ALK: variants seen among roughly 807,000 people sequenced by gnomAD.
The protein encoded by ALK is ALK tyrosine kinase receptor.
In ALK, 74 loss-of-function variants were observed where a neutral mutation model predicts 163.1. The observed-to-expected ratio is 0.45, with a 90% confidence interval of 0.38 to 0.55. ALK has a LOEUF of 0.55. ALK is among the 20% of genes least tolerant of loss of function. The pLI is 0.00. For missense variants in ALK, 2,063 were observed against 2,105.3 expected (o/e 0.98, Z 0.39); for synonymous variants, 960 against 843.2 (o/e 1.14, Z -2.40).
At chr2:29,889,846 T>C (rs1667101056) in intron 1 of ALK, among the ~76,000 whole-genome samples, 1 of 151,826 alleles carries the variant, frequency 6.6e-6, no homozygotes, top group African/African-American at 2.4e-5. Flanking sequence ...GACTGTGTAG[T>C]CATTTCATCT....
At chr2:29,651,429 T>A (rs751327770) in intron 3 of ALK, among the ~76,000 whole-genome samples, 2 of 152,212 alleles carry the variant, frequency 1.3e-5, no homozygotes, top group Admixed American at 6.5e-5. Flanking sequence ...AAGGTCAATG[T>A]CTTCTGCGTA....
At chr2:29,440,029 C>T (rs995719965) in intron 4 of ALK, among the ~76,000 whole-genome samples, 6 of 151,754 alleles carry the variant, frequency 4.0e-5, no homozygotes, top group South Asian at 2.1e-4. Context: ...ATCAGGAGTT[C>T]GAGACCAGCC....
chr2:29,697,276 G>T (rs1478991113), intron 2 of ALK, among the ~76,000 whole-genome samples: 2 of 152,136 alleles, frequency 1.3e-5, no homozygotes, highest in Admixed American at 6.6e-5. Flanking sequence ...GAGGGCCAAG[G>T]CTATGACAAT....
chr2:29,222,443 A>C (rs1293458069), intron 21 of ALK, 35 bp from the exon 22 acceptor site: 3 of 1,613,392 alleles, frequency 1.9e-6, no homozygotes, highest in Admixed American at 3.3e-5. Context: ...GAGGAGGAGG[A>C]GGCTGTGAGC....
intron 5 of ALK, among the ~76,000 whole-genome samples, chr2:29,344,409 T>C (rs551499093): frequency 6.6e-6 from 1 of 152,200 alleles, no homozygotes; most frequent in Admixed American, 6.5e-5. Context: ...TCCTCCTTGG[T>C]CATGGATACA....
At chr2:29,426,973 A>G (rs1305198798) in intron 4 of ALK, among the ~76,000 whole-genome samples, 1 of 122,476 alleles carries the variant, frequency 8.2e-6, no homozygotes, top group African/African-American at 3.0e-5. Flanking sequence ...AGGGAGGCAG[A>G]GGTTTCAGTG....
chr2:29,861,605 T>C (rs936163184), intron 1 of ALK, among the ~76,000 whole-genome samples: 4 of 152,024 alleles, frequency 2.6e-5, no homozygotes, highest in African/African-American at 9.7e-5. Context: ...TCTTAACAGA[T>C]TAATAATGAG....
At chr2:29,239,901 G>T in intron 12 of ALK, 71 bp from the exon 13 acceptor site, 2 of 1,551,116 alleles carry the variant, frequency 1.3e-6, no homozygotes, top group Non-Finnish European at 1.7e-6. Flanking sequence ...CAACCCAGCA[G>T]CTTCCAGTGG....
intron 3 of ALK, among the ~76,000 whole-genome samples, chr2:29,556,781 T>C (rs1673873251): frequency 6.6e-6 from 1 of 152,214 alleles, no homozygotes; most frequent in South Asian, 2.1e-4. Context: ...ATTTTCTAGG[T>C]TTCTCAAGGC....
At chr2:29,284,558 C>T (rs1665801027) in intron 9 of ALK, among the ~76,000 whole-genome samples, 1 of 152,192 alleles carries the variant, frequency 6.6e-6, no homozygotes, top group Non-Finnish European at 1.5e-5. Flanking sequence ...TAAAGAGGTT[C>T]ACTTAGTGCC....
intron 3 of ALK, among the ~76,000 whole-genome samples, chr2:29,564,013 T>G (rs1399718212): frequency 6.6e-6 from 1 of 152,034 alleles, no homozygotes; most frequent in Non-Finnish European, 1.5e-5. Context: ...AGCTTGAGAT[T>G]TATGCCCTTT....
rs114701796 is a variant in ALK, at chr2:29,866,484, T to C, written c.667+53509A>G. 6.9e-3 allele frequency among the ~76,000 whole-genome samples: 1,046 copies of C among 152,280 alleles called. 11 individuals carry two copies. Among genetic ancestry groups the C allele is most frequent in the African/African-American group, 0.023 (960 of 41,560 alleles). On this transcript the variant is annotated intron_variant, in intron 1 of 28. Transcript: ENST00000389048. ...AAAGCCTCTACAGCCCACTAAGAGC[T>C]GGCGGGTTTAGCGGACCCTGTCTAA...
At chr2:29,618,757 G>T (rs1675934152) in intron 3 of ALK, among the ~76,000 whole-genome samples, 1 of 152,194 alleles carries the variant, frequency 6.6e-6, no homozygotes, top group Non-Finnish European at 1.5e-5. Context: ...AAGGCAGGTG[G>T]ATTACCAGGT....
At chr2:29,411,504 G>A (rs527531290) in intron 4 of ALK, among the ~76,000 whole-genome samples, 1 of 152,062 alleles carries the variant, frequency 6.6e-6, no homozygotes, top group East Asian at 1.9e-4. Flanking sequence ...AGAGATGGGG[G>A]TCTTGCTATG....
intron 3 of ALK, among the ~76,000 whole-genome samples, chr2:29,575,685 C>T (rs1674504662): frequency 6.6e-6 from 1 of 152,172 alleles, no homozygotes; most frequent in African/African-American, 2.4e-5. Flanking sequence ...AATTCAGCGC[C>T]TGATTTTGCA....
At chr2:29,204,465 T>C (rs2148149556) in intron 26 of ALK, among the ~76,000 whole-genome samples, 1 of 152,254 alleles carries the variant, frequency 6.6e-6, no homozygotes, top group Middle Eastern at 3.4e-3. Context: ...TCAATTGGGA[T>C]TTGTCTGTTT....
At chr2:29,634,445 T>C (rs938287870) in intron 3 of ALK, among the ~76,000 whole-genome samples, 2 of 152,132 alleles carry the variant, frequency 1.3e-5, no homozygotes, top group Non-Finnish European at 2.9e-5. Flanking sequence ...CTGGGAGCTA[T>C]TTCAGGGATG....
chr2:29,407,140 C>T (rs1356466815), intron 4 of ALK, among the ~76,000 whole-genome samples: 1 of 152,206 alleles, frequency 6.6e-6, no homozygotes, highest in African/African-American at 2.4e-5. Context: ...CTCCAGCAAA[C>T]GTGTCTAACT....
intron 4 of ALK, among the ~76,000 whole-genome samples, chr2:29,431,306 A>T (rs573204960): frequency 5.3e-5 from 8 of 152,296 alleles, no homozygotes; most frequent in African/African-American, 1.9e-4. Flanking sequence ...ATGTGTATTT[A>T]AGGCTGTGTC....
Sources: allele counts gnomAD v4.1 joint callset (sites outside exome capture counted in the v4.1 genomes callset), GRCh38; gene constraint gnomAD v4.1.1; transcripts MANE v1.5; gene names NCBI Gene and HGNC (gene_info 2026-07-23, HGNC 2026-07-21).